Variants in KCNN2 observed in about 807,000 individuals in gnomAD.
The protein encoded by KCNN2 is small conductance calcium-activated potassium channel protein 2.
Under a neutral mutation model 55.5 loss-of-function variants are expected in KCNN2, and 24 were observed. That is an observed-to-expected ratio of 0.43 (90% CI 0.31 to 0.61). The LOEUF is 0.61. Among genes scored for constraint, KCNN2 ranks in the 20% least tolerant of loss-of-function variants. The pLI is 0.08. For synonymous variants in KCNN2, 431 were observed against 336.1 expected, an observed-to-expected ratio of 1.28 and a Z score of -3.09; for missense variants, 754 against 853.6, an observed-to-expected ratio of 0.88 and a Z score of 1.45.
At chr5:114,453,414 T>C (rs1028286763) in intron 3 of KCNN2, among the ~76,000 whole-genome samples, 1 of 152,248 alleles carries the variant, frequency 6.6e-6, no homozygotes, top group Non-Finnish European at 1.5e-5. Context: ...ATTTTTCTCC[T>C]CTTAGAAACT....
At position 114,367,976 on chromosome 5, in the gene KCNN2, C is replaced by T. The variant is rs568651590; in HGVS notation, c.1218+3975C>T. ...TATACTTTGAATTGGAAAACATTTT[C>T]GTTTGTTTGTTTTTGTAATGTACAG... On this transcript the variant is annotated intron_variant, in intron 2 of 7. Coordinates refer to ENST00000673685, the MANE Select transcript of KCNN2 (RefSeq NM_021614.4). Among the ~76,000 whole-genome samples, 7 of 152,128 alleles carry T rather than the reference C, an allele frequency of 4.6e-5. No individual in the cohort carries two copies. In the East Asian group the frequency reaches 5.8e-4, roughly 13 times the overall value.
At chr5:114,448,258 C>T (rs368232277) in intron 3 of KCNN2, among the ~76,000 whole-genome samples, 5 of 151,830 alleles carry the variant, frequency 3.3e-5, no homozygotes, top group Admixed American at 2.0e-4. Context: ...AATATTTTTC[C>T]GGCTTTAACA....
chr5:114,379,810 A>G (rs1437529947), intron 2 of KCNN2, among the ~76,000 whole-genome samples: 1 of 141,698 alleles, frequency 7.1e-6, no homozygotes, highest in East Asian at 2.0e-4. Flanking sequence ...ATTATATAAC[A>G]TATTATATAT....
intron 3 of KCNN2, among the ~76,000 whole-genome samples, chr5:114,439,379 T>C (rs906268062): frequency 1.3e-5 from 2 of 152,212 alleles, no homozygotes; most frequent in Admixed American, 1.3e-4. Flanking sequence ...CCCCACTGAA[T>C]AGCAGATTTT....
intron 4 of KCNN2, among the ~76,000 whole-genome samples, chr5:114,464,970 T>A (rs1761373878): frequency 6.6e-6 from 1 of 152,192 alleles, no homozygotes; most frequent in Admixed American, 6.5e-5. Context: ...ACAAGGGATA[T>A]AAATGATGCT....
chr5:114,240,100 G>A (rs926368108), intron 2 of KCNN2, among the ~76,000 whole-genome samples: 1 of 152,042 alleles, frequency 6.6e-6, no homozygotes, highest in Non-Finnish European at 1.5e-5. Context: ...TTTCAAGTAT[G>A]AATATAGATA....
At chr5:114,407,796 A>G (rs956232941) in intron 3 of KCNN2, among the ~76,000 whole-genome samples, 2 of 152,208 alleles carry the variant, frequency 1.3e-5, no homozygotes, top group African/African-American at 4.8e-5. Flanking sequence ...AACAGTTACT[A>G]TGCAAGCATT....
intron 2 of KCNN2, among the ~76,000 whole-genome samples, chr5:114,290,293 G>A (rs1755857065): frequency 6.6e-6 from 1 of 152,142 alleles, no homozygotes; most frequent in South Asian, 2.1e-4. Flanking sequence ...GGTGTTTTCA[G>A]ATTCTCTATT....
At chr5:114,291,442 C>T (rs547007965) in intron 2 of KCNN2, among the ~76,000 whole-genome samples, 8 of 152,082 alleles carry the variant, frequency 5.3e-5, no homozygotes, top group South Asian at 2.1e-4. Flanking sequence ...AGGCAGTGTT[C>T]GGTTTTTTGT....
rs535507839 is a variant in KCNN2 at position 114,470,927 on chromosome 5, A to G, written c.1780-2127A>G. 5.3e-4 allele frequency among the ~76,000 whole-genome samples: 81 copies of G among 152,320 alleles called. 1 individual carries two copies. Among genetic ancestry groups the G allele is most frequent in the Admixed American group, 7.2e-4 (11 of 15,300 alleles). On this transcript the variant is annotated intron_variant, in intron 4 of 7. Coordinates refer to ENST00000673685, the MANE Select transcript of KCNN2 (RefSeq NM_021614.4). ...TGCTGTGAGGCACACAGCTCTCAGC[A>G]CTAGGATTTTTACAAACTCTCCAAG...
intron 2 of KCNN2, among the ~76,000 whole-genome samples, chr5:114,233,373 G>T (rs1754403222): frequency 6.6e-6 from 1 of 151,904 alleles, no homozygotes; most frequent in African/African-American, 2.4e-5. Context: ...ACCTCTTCAG[G>T]TATATTAACA....
intron 3 of KCNN2, among the ~76,000 whole-genome samples, chr5:114,409,089 A>G (rs1330047780): frequency 6.6e-6 from 1 of 152,210 alleles, no homozygotes; most frequent in Non-Finnish European, 1.5e-5. Context: ...TGTGTAATTT[A>G]GGGGCTGAGT....
At chr5:114,128,688 C>T (rs1751988180) in intron 1 of KCNN2, among the ~76,000 whole-genome samples, 1 of 152,112 alleles carries the variant, frequency 6.6e-6, no homozygotes, top group African/African-American at 2.4e-5. Flanking sequence ...TTAGGGTCTG[C>T]CTGCTTTCCC....
intron 2 of KCNN2, among the ~76,000 whole-genome samples, chr5:114,231,579 A>G (rs1754359246): frequency 6.6e-6 from 1 of 151,182 alleles, no homozygotes; most frequent in South Asian, 2.1e-4. Flanking sequence ...ACATGATGGT[A>G]GATGATACTG....
At chr5:114,438,808 C>A (rs879493591) in intron 3 of KCNN2, among the ~76,000 whole-genome samples, 1 of 152,162 alleles carries the variant, frequency 6.6e-6, no homozygotes, top group Non-Finnish European at 1.5e-5. Flanking sequence ...TGAAAACTCC[C>A]GTTGCTCTTA....
chr5:114,401,973 GAAGATAGGAGGAAT>G (rs1758802460), intron 2 of KCNN2, among the ~76,000 whole-genome samples: 1 of 152,222 alleles, frequency 6.6e-6, no homozygotes, highest in Non-Finnish European at 1.5e-5. Flanking sequence ...TTAGACAATG[GAAGATAGGAGGAAT>G]ATGGTAATGG....
intron 5 of KCNN2, among the ~76,000 whole-genome samples, chr5:114,484,098 G>T (rs1762348524): frequency 1.3e-5 from 2 of 152,098 alleles, no homozygotes; most frequent in South Asian, 4.1e-4. Context: ...AAGTTTTTAT[G>T]TATAAATTAT....
chr5:114,461,085 G>A (rs899556134), intron 3 of KCNN2, among the ~76,000 whole-genome samples: 2 of 152,072 alleles, frequency 1.3e-5, no homozygotes, highest in South Asian at 2.1e-4. Context: ...GGAAAACCAC[G>A]TCCTCCCATT....
At chr5:114,077,179 C>T (rs768863736) in intron 1 of KCNN2, among the ~76,000 whole-genome samples, 2 of 152,160 alleles carry the variant, frequency 1.3e-5, no homozygotes, top group Non-Finnish European at 2.9e-5. Flanking sequence ...GGCTCTGCAA[C>T]GTTTGGAGAC....
Sources: allele counts gnomAD v4.1 joint callset (sites outside exome capture counted in the v4.1 genomes callset), GRCh38; gene constraint gnomAD v4.1.1; transcripts MANE v1.5; gene names NCBI Gene and HGNC (gene_info 2026-07-23, HGNC 2026-07-21).